MARCHF3: variants seen among roughly 807,000 people sequenced by gnomAD.
MARCHF3 encodes the protein E3 ubiquitin-protein ligase MARCHF3.
A neutral mutation model predicts 24.2 loss-of-function variants in MARCHF3; 13 were observed. That is an observed-to-expected ratio of 0.54 (90% confidence interval 0.35 to 0.85). MARCHF3 has a LOEUF of 0.85. Ranked by LOEUF, MARCHF3 falls within the 40% of genes least tolerant of loss-of-function variation. MARCHF3 has a pLI of 0.01. For missense variants in MARCHF3, 276 were observed against 325.0 expected (o/e 0.85, Z 1.16); for synonymous variants, 144 against 137.3 (o/e 1.05, Z -0.34).
chr5:126,869,148 A>G lies in MARCHF3; in HGVS notation c.*1485T>C, dbSNP rs891016591. On this transcript the variant is annotated 3_prime_UTR_variant, in exon 5 of 5. Transcript: ENST00000308660. ...GCATCAGCTCCATCAATTTGCAGAC[A>G]AAAATCGCTACCCTCCTCGCTGCCT... 2 of 152,230 alleles carry G rather than the reference A, an allele frequency of 1.3e-5. No homozygotes were observed. Among genetic ancestry groups the G allele is most frequent in the Non-Finnish European group, 2.9e-5 (2 of 68,058 alleles). 9.4% of individuals were successfully genotyped at this position (152,230 alleles called of 1,614,324 possible).
intron 4 of MARCHF3, 47 bp from the exon 5 acceptor site, chr5:126,870,838 G>T (rs1391688481): frequency 9.3e-6 from 15 of 1,607,710 alleles, no homozygotes; most frequent in South Asian, 4.4e-5. Flanking sequence ...CAGGTCAGCA[G>T]AAGTGGATAA....
intron 1 of MARCHF3, among the ~76,000 whole-genome samples, chr5:127,014,894 C>A (rs999855581): frequency 2.6e-5 from 4 of 152,082 alleles, no homozygotes; most frequent in African/African-American, 9.7e-5. Context: ...TTTTATAGCA[C>A]TGTAGTGTTT....
intron 1 of MARCHF3, among the ~76,000 whole-genome samples, chr5:126,937,050 T>C (rs1749670036): frequency 6.6e-6 from 1 of 152,198 alleles, no homozygotes; most frequent in Admixed American, 6.5e-5. Context: ...TCAACAGTAA[T>C]ATATAAAAAC....
rs138413676 is a variant in MARCHF3 at position 126,878,360 on chromosome 5, C to A, written c.428G>T (p.Arg143Leu). ...LRNPGPQHEK[R>L]TLFGDMVCFL... ...GCACACCATGTCGCCAAACAGAGTCCGCTTCTCATGCTGGGGGCCAGGGTT... is the reference window on the plus strand; with the variant it reads ...GCACACCATGTCGCCAAACAGAGTCAGCTTCTCATGCTGGGGGCCAGGGTT... The change falls in exon 4 of 5, where the codon CGG (arginine) becomes CTG (leucine). Residue 143 changes from arginine (R) to leucine (L), a missense_variant. By Grantham distance (102) the Arg-to-Leu change is moderately radical. Transcript: ENST00000308660. 6.2e-7 allele frequency: 1 copy of A among 1,613,978 alleles called. No individual in the cohort carries two copies. The highest frequency in any genetic ancestry group is 8.5e-7 in the Non-Finnish European group (1 of 1,179,932).
intron 4 of MARCHF3, among the ~76,000 whole-genome samples, chr5:126,873,397 GT>G (rs1753037934): frequency 6.7e-6 from 1 of 150,372 alleles, no homozygotes; most frequent in African/African-American, 2.5e-5. Flanking sequence ...TAGATACAGG[GT>G]AACAGAAAAA....
intron 1 of MARCHF3, chr5:126,946,507 G>T (rs1400605251): frequency 6.6e-6 from 1 of 151,646 alleles, no homozygotes; most frequent in Non-Finnish European, 1.5e-5. Flanking sequence ...ACTTATTCCC[G>T]CATTTAAGAA....
intron 1 of MARCHF3, among the ~76,000 whole-genome samples, chr5:126,936,221 A>G (rs565389422): frequency 2.0e-5 from 3 of 152,314 alleles, no homozygotes; most frequent in African/African-American, 7.2e-5. Context: ...ACTGATTTTT[A>G]GGACATAATG....
chr5:126,946,784 G>GTC (rs1309104725), intron 1 of MARCHF3, among the ~76,000 whole-genome samples: 5 of 151,430 alleles, frequency 3.3e-5, no homozygotes, highest in Non-Finnish European at 7.4e-5. Context: ...GTGTGTGTGT[G>GTC]TGTGTGTGTG....
intron 1 of MARCHF3, among the ~76,000 whole-genome samples, chr5:127,021,941 A>G (rs1752818032): frequency 6.6e-6 from 1 of 152,240 alleles, no homozygotes; most frequent in African/African-American, 2.4e-5. Flanking sequence ...ACCAGTCCAC[A>G]TGTCCTGTTT....
At chr5:126,929,876 T>C (rs970605679) in intron 1 of MARCHF3, among the ~76,000 whole-genome samples, 3 of 151,838 alleles carry the variant, frequency 2.0e-5, no homozygotes, top group African/African-American at 7.3e-5. Flanking sequence ...TAAAGGAGAG[T>C]TCCCCTGCAC....
chr5:126,909,665 T>G (rs1754446656), intron 3 of MARCHF3, among the ~76,000 whole-genome samples: 1 of 152,182 alleles, frequency 6.6e-6, no homozygotes, highest in Non-Finnish European at 1.5e-5. Context: ...TCACCCTGCT[T>G]TGGCTCGCAC....
intron 1 of MARCHF3, among the ~76,000 whole-genome samples, chr5:126,969,118 T>C (rs1218358007): frequency 6.6e-6 from 1 of 152,204 alleles, no homozygotes; most frequent in Non-Finnish European, 1.5e-5. Context: ...GAGTTTTATA[T>C]TTTAGCTCTT....
At chr5:126,914,690 C>T in intron 3 of MARCHF3, 1 of 575,292 alleles carries the variant, frequency 1.7e-6, no homozygotes, top group South Asian at 2.3e-5. Context: ...ATTCTGCTTT[C>T]CTTCTACTGC....
chr5:126,894,267 A>G (rs1272565210), intron 3 of MARCHF3, among the ~76,000 whole-genome samples: 2 of 144,610 alleles, frequency 1.4e-5, no homozygotes, highest in African/African-American at 2.6e-5. Context: ...GTGTCTTTTA[A>G]TTGGAGCATT....
Position 126,995,744 on chromosome 5 carries a change from TA to T in MARCHF3, c.-57+34605del, listed in dbSNP as rs372175641. The stretch of plus-strand genomic sequence containing the variant: ...TTATTTTTCCCTGTTTTTCTCCCAA[TA>T]AACAAATCAGCCAAACATTTATTAA... On this transcript the variant is annotated intron_variant, in intron 1 of 4. Transcript: ENST00000308660. Among the ~76,000 whole-genome samples, 84 of 152,292 alleles carry T rather than the reference TA, an allele frequency of 5.5e-4. 3 individuals carry two copies. The South Asian group carries it at 0.017, about 31-fold the overall frequency.
rs772259565 is a variant in MARCHF3, at chr5:126,877,227, GA to G, written c.603+957del. ...GGGTCTGGGAGACACAGAAAGGGAG[GA>G]AGTATGTGCTAGAAGCAGCTTCCAC... On this transcript the variant is annotated intron_variant, in intron 4 of 4. Transcript: ENST00000308660. Among the ~76,000 whole-genome samples the G allele has an allele frequency of 1.6e-4, 25 of 152,344 alleles. No individual in the cohort carries two copies. The East Asian group carries it at 4.8e-3, about 29-fold the overall frequency.
intron 1 of MARCHF3, among the ~76,000 whole-genome samples, chr5:126,949,775 T>A (rs1351650980): frequency 6.6e-6 from 1 of 152,142 alleles, no homozygotes; most frequent in Non-Finnish European, 1.5e-5. Flanking sequence ...AGGCTGGGAT[T>A]AGGCGATCTG....
At chr5:126,890,847 T>C (rs376068365) in intron 3 of MARCHF3, among the ~76,000 whole-genome samples, 4,334 of 131,636 alleles carry the variant, frequency 0.033, 82 homozygotes, top group African/African-American at 0.1. Flanking sequence ...GTTCTAGATC[T>C]CTGAGGAATC....
intron 1 of MARCHF3, among the ~76,000 whole-genome samples, chr5:126,996,820 G>A (rs544263974): frequency 1.3e-5 from 2 of 151,992 alleles, no homozygotes; most frequent in African/African-American, 2.4e-5. Flanking sequence ...AAAAATAAGC[G>A]TGAAGAGATA....
Sources: gnomAD v4.1 joint callset for allele counts (sites outside exome capture counted in the v4.1 genomes callset) on GRCh38, gnomAD v4.1.1 for gene constraint, MANE v1.5 for transcripts, NCBI Gene and HGNC (gene_info 2026-07-23, HGNC 2026-07-21) for gene names.